The following PCDHGB6 variants were observed in gnomAD, a reference collection of about 807,000 sequenced individuals.
PCDHGB6 encodes the protein protocadherin gamma-B6.
PCDHGB6 carries 51 observed loss-of-function variants against 59.1 expected under a neutral mutation model. The observed-to-expected ratio is 0.86, with a 90% CI of 0.69 to 1.09. PCDHGB6 has a LOEUF of 1.09. Among genes scored for constraint, PCDHGB6 ranks in the 50% least tolerant of loss-of-function variants. The pLI is 0.00. For synonymous variants in PCDHGB6, 466 were observed against 495.1 expected (o/e 0.94, Z 0.78); for missense variants, 1,148 against 1,205.1 (o/e 0.95, Z 0.70).
At chr5:141,465,284 A>C (rs2099100147) in intron 1 of PCDHGB6, among the ~76,000 whole-genome samples, 1 of 152,176 alleles carries the variant, frequency 6.6e-6, no homozygotes, top group African/African-American at 2.4e-5. Flanking sequence ...TTCACCCCTA[A>C]AGAACTGAGA....
intron 1 of PCDHGB6, among the ~76,000 whole-genome samples, chr5:141,434,467 T>C (rs1397980716): frequency 6.6e-6 from 1 of 152,226 alleles, no homozygotes; most frequent in Non-Finnish European, 1.5e-5. Flanking sequence ...TTTACCGGAA[T>C]GAGGGCAAGG....
intron 1 of PCDHGB6, chr5:141,422,094 T>C: frequency 1.2e-6 from 2 of 1,610,648 alleles, no homozygotes; most frequent in Non-Finnish European, 1.7e-6. Flanking sequence ...AAAGCAAGGC[T>C]TCTGAAATAT....
intron 1 of PCDHGB6, among the ~76,000 whole-genome samples, chr5:141,438,747 T>C (rs2098059577): frequency 6.7e-6 from 1 of 148,680 alleles, no homozygotes. Flanking sequence ...CTGCAACCTC[T>C]GCCTCCTGGG....
rs941528168 is a variant in PCDHGB6, at chr5:141,476,433, T to C, written c.2419-18374T>C. 2 of 1,614,094 alleles carry C rather than the reference T, an allele frequency of 1.2e-6. No individual in the cohort carries two copies. The highest frequency in any genetic ancestry group is 2.2e-5 in the East Asian group (1 of 44,856). ...TGTGGGACACTGCCCTCTTGCACTGTAACTCTGGAGTTGGTAGTGGAGAAC... is the reference window on the plus strand; with the variant it reads ...TGTGGGACACTGCCCTCTTGCACTGCAACTCTGGAGTTGGTAGTGGAGAAC... On this transcript the variant is annotated intron_variant, in intron 1 of 3. Coordinates refer to ENST00000520790, the MANE Select transcript of PCDHGB6 (RefSeq NM_018926.3). This position sits in a 1 kb window ranked among gnomAD's most constrained non-coding sequence, Gnocchi z 7.6.
intron 1 of PCDHGB6, chr5:141,418,422 G>A: frequency 6.2e-7 from 1 of 1,613,996 alleles, no homozygotes; most frequent in East Asian, 2.2e-5. Context: ...AATCCTGATG[G>A]TGGCAAATAT....
At chr5:141,423,003 G>A (rs779233337) in intron 1 of PCDHGB6, 1 of 1,614,208 alleles carries the variant, frequency 6.2e-7, no homozygotes, top group African/African-American at 1.3e-5. Flanking sequence ...TGACCAAGGT[G>A]GTTGCGGTGG....
chr5:141,418,533 C>G, intron 1 of PCDHGB6: 1 of 1,614,032 alleles, frequency 6.2e-7, no homozygotes, highest in Non-Finnish European at 8.5e-7. Flanking sequence ...CGAAGCGGTA[C>G]TGCTCAGATA....
intron 1 of PCDHGB6, among the ~76,000 whole-genome samples, chr5:141,436,175 A>G (rs1263518258): frequency 1.3e-5 from 2 of 152,192 alleles, no homozygotes; most frequent in Non-Finnish European, 2.9e-5. Flanking sequence ...CAGTTCTCAT[A>G]TATAGTCAAA....
At position 141,418,260 on chromosome 5, in the gene PCDHGB6, G is replaced by C. The variant is rs144490159; in HGVS notation, c.2418+7640G>C. On this transcript the variant is annotated intron_variant, in intron 1 of 3. Transcript: ENST00000520790. Reference sequence around the variant, plus strand: ...GTTAATGACCACGCCCCTCAATTCCGGAAAGATGAAATAAACTTAGAAATC... The same window carrying C: ...GTTAATGACCACGCCCCTCAATTCCCGAAAGATGAAATAAACTTAGAAATC... 2.5e-6 allele frequency: 4 copies of C among 1,613,888 alleles called. No individual in the cohort carries two copies. Among genetic ancestry groups the C allele is most frequent in the South Asian group, 1.1e-5 (1 of 91,088 alleles).
At chr5:141,417,787 T>C in intron 1 of PCDHGB6, 1 of 1,477,124 alleles carries the variant, frequency 6.8e-7, no homozygotes, top group Non-Finnish European at 9.0e-7. Flanking sequence ...CTGGGCCGAA[T>C]GCTCTTTTAG....
chr5:141,461,560 T>G (rs1355320881), intron 1 of PCDHGB6, among the ~76,000 whole-genome samples: 1 of 152,234 alleles, frequency 6.6e-6, no homozygotes, highest in African/African-American at 2.4e-5. Context: ...ATGTGTACTT[T>G]GCAAAGATAA....
At chr5:141,498,419 G>A (rs78940285) in intron 2 of PCDHGB6, among the ~76,000 whole-genome samples, 4,023 of 152,260 alleles carry the variant, frequency 0.026, 75 homozygotes, top group Non-Finnish European at 0.043. Flanking sequence ...TGCTGGCACT[G>A]GAGTGAGGGG....
chr5:141,433,623 G>A (rs2097635547), intron 1 of PCDHGB6, among the ~76,000 whole-genome samples: 1 of 152,070 alleles, frequency 6.6e-6, no homozygotes, highest in African/African-American at 2.4e-5. Flanking sequence ...ATCACCTGAG[G>A]TTGGGAGTTT....
rs190955361 is a variant in PCDHGB6, at chr5:141,486,090, G to A, written c.2419-8717G>A. On this transcript the variant is annotated intron_variant, in intron 1 of 3. Transcript: ENST00000520790. The surrounding 1 kb of genome is among the most constrained non-coding windows in gnomAD (Gnocchi z 5.0). ...ACTACTGGAAAGCTTACTCTTTTGG[G>A]GCCCCTAGACTTTGAGAGTGAGAAT... 3 of 1,614,086 alleles carry A rather than the reference G, an allele frequency of 1.9e-6. No homozygotes were observed. The highest frequency in any genetic ancestry group is 1.6e-4 in the Middle Eastern group (1 of 6,062).
At chr5:141,498,220 G>T (rs1562182972) in intron 2 of PCDHGB6, among the ~76,000 whole-genome samples, 1 of 152,222 alleles carries the variant, frequency 6.6e-6, no homozygotes, top group Non-Finnish European at 1.5e-5. Flanking sequence ...GAGCATTCCA[G>T]ATGGTCAGGC....
Position 141,491,636 on chromosome 5 carries a change from C to T in PCDHGB6, c.2419-3171C>T. ...AGACCCCTCAGCGTTCAGCAGCCCA[C>T]AGCTCTGGCGCTGGAGCCTGACGCC... On this transcript the variant is annotated intron_variant, in intron 1 of 3. Coordinates refer to ENST00000520790, the MANE Select transcript of PCDHGB6 (RefSeq NM_018926.3). This position sits in a 1 kb window ranked among gnomAD's most constrained non-coding sequence, Gnocchi z 6.9. 6.2e-7 allele frequency: 1 copy of T among 1,613,922 alleles called. No homozygotes were observed. Among genetic ancestry groups the T allele is most frequent in the Non-Finnish European group, 8.5e-7 (1 of 1,180,020 alleles).
chr5:141,412,209 T>G (rs917646798), intron 1 of PCDHGB6: 2 of 152,248 alleles, frequency 1.3e-5, no homozygotes. Flanking sequence ...TCATTTGACA[T>G]AAACACTTAC....
In PCDHGB6 at chr5:141,433,358, C is replaced by CCTATCTATCTATCTAT. The variant is rs3074541; in HGVS notation, c.2418+22771_2418+22786dup. ...ACAGGTGCAAGCCACCTACTGTCTG[C>CCTATCTATCTATCTAT]CTATCTATCTATCTATCTATCTATC... On this transcript the variant is annotated intron_variant, in intron 1 of 3. Coordinates refer to ENST00000520790, the MANE Select transcript of PCDHGB6 (RefSeq NM_018926.3). 1.1e-3 allele frequency: 566 copies of CCTATCTATCTATCTAT among 504,038 alleles called. 2 individuals carry two copies. The highest frequency in any genetic ancestry group is 1.7e-3 in the East Asian group (49 of 28,778). The allele number at this position is 504,038 out of a possible 1,614,324, so 31.2% of individuals were successfully genotyped here.
At chr5:141,415,342 T>C (rs1305683222) in intron 1 of PCDHGB6, 2 of 1,614,108 alleles carry the variant, frequency 1.2e-6, no homozygotes, top group African/African-American at 2.7e-5. Context: ...GCTGCGGCGC[T>C]GGCACAAGTC....
Sources: allele counts gnomAD v4.1 joint callset (sites outside exome capture counted in the v4.1 genomes callset), GRCh38; gene constraint gnomAD v4.1.1; non-coding constraint Gnocchi (gnomAD v3.1); transcripts MANE v1.5; gene names NCBI Gene and HGNC (gene_info 2026-07-23, HGNC 2026-07-21).